The following SCN8A variants were observed in gnomAD, a reference collection of about 807,000 sequenced individuals.
SCN8A encodes the protein sodium channel protein type 8 subunit alpha.
A neutral mutation model predicts 184.1 loss-of-function variants in SCN8A; 30 were observed. The ratio of observed to expected loss-of-function variants is 0.16; its 90% CI spans 0.12 to 0.22. The LOEUF (loss-of-function observed/expected upper bound fraction) is 0.22, where lower values mean the gene tolerates loss of function less well. Among genes scored for constraint, SCN8A ranks in the 10% least tolerant of loss-of-function variants. SCN8A has a pLI of 1.00. For missense variants in SCN8A, 1,057 were observed against 2,498.9 expected (o/e 0.42, Z 12.30); for synonymous variants, 852 against 907.0 (o/e 0.94, Z 1.09).
intron 14 of SCN8A, among the ~76,000 whole-genome samples, chr12:51,760,127 G>A (rs1942740509): frequency 6.6e-6 from 1 of 152,108 alleles, no homozygotes; most frequent in South Asian, 2.1e-4. Flanking sequence ...TGAACTTTGG[G>A]GGACACATTC....
chr12:51,706,181 G>A (rs1401405040), intron 10 of SCN8A, among the ~76,000 whole-genome samples: 1 of 152,214 alleles, frequency 6.6e-6, no homozygotes, highest in African/African-American at 2.4e-5. Flanking sequence ...CAAGGCAGCA[G>A]TCAAGTTCTT....
At chr12:51,688,868 G>A in intron 5 of SCN8A, 137 bp from the exon 6 acceptor site, 1 of 1,601,764 alleles carries the variant, frequency 6.2e-7, no homozygotes, top group Non-Finnish European at 8.6e-7. Context: ...GTCCGGGGTT[G>A]GTGTTAGGTG....
intron 1 of SCN8A, among the ~76,000 whole-genome samples, chr12:51,641,083 A>G (rs1484800457): frequency 6.6e-6 from 1 of 152,264 alleles, no homozygotes; most frequent in Non-Finnish European, 1.5e-5. Flanking sequence ...AACCAGCTGC[A>G]GATCAAAAAT....
intron 1 of SCN8A, among the ~76,000 whole-genome samples, chr12:51,610,412 G>A (rs1042121616): frequency 2.0e-5 from 3 of 152,068 alleles, no homozygotes; most frequent in African/African-American, 7.2e-5. Context: ...CATTCATCGT[G>A]CATTTGTTGC....
chr12:51,720,586 C>G (rs1246041097), intron 11 of SCN8A, among the ~76,000 whole-genome samples: 2 of 151,274 alleles, frequency 1.3e-5, no homozygotes, highest in African/African-American at 4.9e-5. Flanking sequence ...CACATGTACC[C>G]TAGAACTTAA....
intron 1 of SCN8A, among the ~76,000 whole-genome samples, chr12:51,598,204 A>G (rs1419958653): frequency 1.3e-5 from 2 of 152,136 alleles, no homozygotes; most frequent in African/African-American, 4.8e-5. Context: ...ATAGGGAGAA[A>G]GCAAAAGAAG....
At chr12:51,746,057 T>G (rs748631894) in intron 13 of SCN8A, 22 bp downstream of exon 13, 3 of 1,569,198 alleles carry the variant, frequency 1.9e-6, no homozygotes, top group Non-Finnish European at 2.6e-6. Context: ...ATAATGTCAG[T>G]CCAACCGCTG....
intron 14 of SCN8A, among the ~76,000 whole-genome samples, chr12:51,761,604 C>T (rs1426923273): frequency 6.6e-6 from 1 of 151,856 alleles, no homozygotes; most frequent in Non-Finnish European, 1.5e-5. Flanking sequence ...ATTCTCTCAC[C>T]TCAGCCTCCT....
chr12:51,625,375 C>T (rs1026894), intron 1 of SCN8A, among the ~76,000 whole-genome samples: 95,764 of 152,034 alleles, frequency 0.63, 32,644 homozygotes, highest in Non-Finnish European at 0.77. Flanking sequence ...GTTGACTAAT[C>T]GTCCATTCTA....
At chr12:51,767,006 A>T (rs905242546) in intron 16 of SCN8A, among the ~76,000 whole-genome samples, 4 of 152,160 alleles carry the variant, frequency 2.6e-5, no homozygotes, top group Admixed American at 1.3e-4. Flanking sequence ...GCCACAGAGA[A>T]GCATGACAGT....
chr12:51,806,504 T>G lies in SCN8A; in HGVS notation c.5018T>G (p.Phe1673Cys). The G allele has an allele frequency of 6.2e-7, 1 of 1,614,220 alleles. No individual in the cohort carries two copies. The highest frequency in any genetic ancestry group is 8.5e-7 in the Non-Finnish European group (1 of 1,180,040). ...TTCTCCATTTTTGGGATGTCCAATT[T>G]TGCATATGTGAAGCACGAGGCTGGT... ...FIFSIFGMSN[F>C]AYVKHEAGID... The change falls in exon 27 of 27, where the codon TTT becomes TGT. Residue 1673 changes from phenylalanine (F) to cysteine (C), a missense_variant. Physicochemically the swap from Phe to Cys is radical, Grantham distance 205. This residue lies in a region of SCN8A where 19 missense variants were observed against 41.6 expected (regional missense o/e 0.46). Coordinates refer to ENST00000627620, the MANE Select transcript of SCN8A (RefSeq NM_001330260.2). The surrounding 1 kb of genome is among the most constrained non-coding windows in gnomAD (Gnocchi z 8.7).
At chr12:51,643,595 ATTG>A (rs553318158) in intron 1 of SCN8A, among the ~76,000 whole-genome samples, 30 of 152,178 alleles carry the variant, frequency 2.0e-4, no homozygotes, top group Non-Finnish European at 3.7e-4. Context: ...AAGAGAGCCA[ATTG>A]TTATTTTGTA....
intron 14 of SCN8A, among the ~76,000 whole-genome samples, chr12:51,754,483 G>GT (rs1294696465): frequency 1.3e-5 from 2 of 151,272 alleles, no homozygotes; most frequent in Non-Finnish European, 3.0e-5. Flanking sequence ...ATGTTGTGAA[G>GT]TAAAGTATGA....
At chr12:51,604,421 T>C (rs972311682) in intron 1 of SCN8A, among the ~76,000 whole-genome samples, 22 of 152,210 alleles carry the variant, frequency 1.4e-4, no homozygotes, top group African/African-American at 4.1e-4. Flanking sequence ...TCCATCAGTC[T>C]GTATGTGTGT....
At chr12:51,697,442 A>G (rs1158059718) in intron 6 of SCN8A, among the ~76,000 whole-genome samples, 1 of 152,216 alleles carries the variant, frequency 6.6e-6, no homozygotes, top group Admixed American at 6.5e-5. Flanking sequence ...CAGAGCATCC[A>G]TTTCTATTAT....
chr12:51,652,930 A>G (rs950625531), intron 1 of SCN8A, among the ~76,000 whole-genome samples: 7 of 152,220 alleles, frequency 4.6e-5, no homozygotes, highest in Admixed American at 2.0e-4. Context: ...AGTATCATTT[A>G]TGGCATATGT....
chr12:51,620,040 G>A (rs1396534573), intron 1 of SCN8A, among the ~76,000 whole-genome samples: 1 of 152,166 alleles, frequency 6.6e-6, no homozygotes, highest in Non-Finnish European at 1.5e-5. Flanking sequence ...AAGACATTCA[G>A]TGTGAAAAAA....
rs182326351 is a variant in SCN8A, at chr12:51,794,570, C to T, written c.4724C>T (p.Ala1575Val). The change falls in exon 26 of 27, where the codon GCG (alanine) becomes GTG (valine). Residue 1575 changes from alanine (A) to valine (V), a missense_variant. Physicochemically the swap from Ala to Val is moderately conservative, Grantham distance 64. Coordinates refer to ENST00000627620, the MANE Select transcript of SCN8A (RefSeq NM_001330260.2). ...TGTGAGTGTGTGCTCAAAATGTTTG[C>T]GTTGAGGCACTACTACTTCACCATT... The part of the protein sequence containing the change: ...FTCECVLKMF[A>V]LRHYYFTIGW... 1.1e-5 allele frequency: 18 copies of T among 1,613,880 alleles called. No homozygotes were observed. In the East Asian group the frequency reaches 2.7e-4, roughly 24 times the overall value.
At chr12:51,645,015 C>T (rs1409631554) in intron 1 of SCN8A, among the ~76,000 whole-genome samples, 1 of 151,892 alleles carries the variant, frequency 6.6e-6, no homozygotes, top group African/African-American at 2.4e-5. Flanking sequence ...GCCACCTCGT[C>T]TGGGAGGGAG....
Sources: gnomAD v4.1 joint callset for allele counts (sites outside exome capture counted in the v4.1 genomes callset) on GRCh38, gnomAD v4.1.1 for gene constraint, gnomAD v4.1.1 regional missense constraint, Gnocchi (gnomAD v3.1) non-coding constraint, MANE v1.5 for transcripts, NCBI Gene and HGNC (gene_info 2026-07-23, HGNC 2026-07-21) for gene names.